The following DNAH11 variants were observed in gnomAD, a reference collection of about 807,000 sequenced individuals.
DNAH11 encodes the protein dynein axonemal heavy chain 11.
A neutral mutation model predicts 526.0 loss-of-function variants in DNAH11; 442 were observed. The ratio of observed to expected loss-of-function variants is 0.84; its 90% CI spans 0.78 to 0.91. DNAH11 has a LOEUF of 0.91. Among genes scored for constraint, DNAH11 ranks in the 40% least tolerant of loss-of-function variants. The pLI is 0.00. For synonymous variants in DNAH11, 2,461 were observed against 1,935.9 expected (o/e 1.27, Z -7.12); for missense variants, 6,989 against 5,448.7 (o/e 1.28, Z -8.90).
intron 21 of DNAH11, among the ~76,000 whole-genome samples, 182 bp from the exon 22 acceptor site, chr7:21,616,027 C>T (rs773978119): frequency 7.2e-5 from 11 of 152,150 alleles, no homozygotes; most frequent in Non-Finnish European, 1.2e-4. Flanking sequence ...TTTAGCTTGA[C>T]GTGTTCTGAC....
intron 65 of DNAH11, among the ~76,000 whole-genome samples, chr7:21,824,362 T>C (rs1244906810): frequency 2.0e-5 from 3 of 152,306 alleles, no homozygotes; most frequent in African/African-American, 7.2e-5. Context: ...TGTTCACATA[T>C]TGGAATGATG....
At chr7:21,849,265 C>G (rs914169101) in intron 66 of DNAH11, among the ~76,000 whole-genome samples, 11 of 152,234 alleles carry the variant, frequency 7.2e-5, no homozygotes, top group African/African-American at 2.4e-4. Context: ...TTTCCTCCCT[C>G]TCATCCTTTA....
At chr7:21,615,530 T>G (rs1016685523) in intron 21 of DNAH11, among the ~76,000 whole-genome samples, 1 of 151,694 alleles carries the variant, frequency 6.6e-6, no homozygotes, top group African/African-American at 2.4e-5. Context: ...TTGGGGAGAT[T>G]GTAAAGAATA....
chr7:21,771,213 C>G (rs559566831), intron 55 of DNAH11, among the ~76,000 whole-genome samples: 5 of 152,306 alleles, frequency 3.3e-5, no homozygotes, highest in African/African-American at 1.2e-4. Flanking sequence ...CTCCCTCCCT[C>G]CCTTGAATAC....
chr7:21,571,998 A>T, intron 8 of DNAH11, 25 bp downstream of exon 8: 1 of 1,472,572 alleles, frequency 6.8e-7, no homozygotes, highest in South Asian at 1.6e-5. Flanking sequence ...TTGCATTTTC[A>T]TTGCATGGGA....
intron 61 of DNAH11, among the ~76,000 whole-genome samples, chr7:21,799,646 C>T (rs1453229934): frequency 6.6e-6 from 1 of 152,162 alleles, no homozygotes; most frequent in Admixed American, 6.5e-5. Context: ...ATATTTCAAT[C>T]TTATTTCTAA....
chr7:21,602,557 TTGTGTGTGTGTGTGTGTG>T lies in DNAH11; in HGVS notation c.3648+965_3648+982del, dbSNP rs60703018. 2.7e-3 allele frequency among the ~76,000 whole-genome samples: 400 copies of T among 149,046 alleles called. 2 individuals carry two copies. The highest frequency in any genetic ancestry group is 3.4e-3 in the Non-Finnish European group (228 of 67,290). ...TATGCCAATATTGATATTTTATAGA[TTGTGTGTGTGTGTGTGTG>T]TGTGTGTGTGTGTGTGTGTGTGTGT... On this transcript the variant is annotated intron_variant, in intron 18 of 81. Coordinates refer to ENST00000409508, the MANE Select transcript of DNAH11 (RefSeq NM_001277115.2).
chr7:21,743,214 G>A, intron 49 of DNAH11, among the ~76,000 whole-genome samples: 1 of 152,226 alleles, frequency 6.6e-6, no homozygotes. Context: ...GTGAGTGAGT[G>A]CTTACTGTTT....
At chr7:21,646,447 T>C (rs1198631917) in intron 28 of DNAH11, among the ~76,000 whole-genome samples, 1 of 151,734 alleles carries the variant, frequency 6.6e-6, no homozygotes, top group Non-Finnish European at 1.5e-5. Flanking sequence ...CCTGAGAGAG[T>C]TTCCAGGCCA....
rs1412303585 is a variant in DNAH11, at chr7:21,877,232, C to CT, written c.12196-3462dup. On this transcript the variant is annotated intron_variant, in intron 74 of 81. Transcript: ENST00000409508. ...TCAAATCTAATTAAACCTTTTTTTT[C>CT]TTTTTTTTGCTCTGTCACCCAGGCT... Among the ~76,000 whole-genome samples, 7 of 151,464 alleles carry CT rather than the reference C, an allele frequency of 4.6e-5. No individual in the cohort carries two copies. The South Asian group carries it at 8.4e-4, about 18-fold the overall frequency.
At chr7:21,686,779 T>G (rs930559876) in intron 32 of DNAH11, among the ~76,000 whole-genome samples, 1 of 152,166 alleles carries the variant, frequency 6.6e-6, no homozygotes, top group Non-Finnish European at 1.5e-5. Flanking sequence ...CATATTAATA[T>G]CTTTACCTAG....
rs367633070 is a variant in DNAH11, at chr7:21,571,820, C to T, written c.1440C>T (p.Thr480=). The change falls in exon 8 of 82, where the codon ACC becomes ACT. Residue 480 remains threonine, a synonymous_variant. Transcript: ENST00000409508. ...RLIKIEDIFA[T]TLEFEKLERL... ...TTTTTACAAAGGATATATTTGCCAC[C>T]ACTTTGGAATTTGAAAAGCTGGAAA... 2.5e-6 allele frequency: 4 copies of T among 1,611,430 alleles called. No homozygotes were observed. Among genetic ancestry groups the T allele is most frequent in the East Asian group, 2.2e-5 (1 of 44,808 alleles).
At chr7:21,770,267 C>G (rs1284002949) in intron 55 of DNAH11, among the ~76,000 whole-genome samples, 2 of 152,076 alleles carry the variant, frequency 1.3e-5, no homozygotes, top group African/African-American at 4.8e-5. Flanking sequence ...GGATGGGACC[C>G]AAATCTAAAC....
intron 28 of DNAH11, among the ~76,000 whole-genome samples, chr7:21,654,274 C>T (rs758355618): frequency 5.9e-5 from 9 of 152,146 alleles, no homozygotes; most frequent in Admixed American, 1.3e-4. Flanking sequence ...CGCCAATCTG[C>T]TGTCTGTATC....
At chr7:21,703,056 C>T (rs1248169606) in intron 37 of DNAH11, among the ~76,000 whole-genome samples, 1 of 152,214 alleles carries the variant, frequency 6.6e-6, no homozygotes, top group African/African-American at 2.4e-5. Flanking sequence ...AGTATTTTGA[C>T]AGTCATAATC....
chr7:21,753,284 C>A (rs970902238), intron 54 of DNAH11, among the ~76,000 whole-genome samples: 7 of 152,186 alleles, frequency 4.6e-5, no homozygotes, highest in Non-Finnish European at 1.0e-4. Flanking sequence ...GCTCCTCCCC[C>A]AAACCCTAAG....
chr7:21,859,004 C>G (rs1351195125), intron 68 of DNAH11, among the ~76,000 whole-genome samples: 3 of 152,184 alleles, frequency 2.0e-5, no homozygotes, highest in Non-Finnish European at 4.4e-5. Flanking sequence ...GTGGAAAATT[C>G]TACACCTGAC....
At chr7:21,714,749 AT>A (rs1407146211) in intron 42 of DNAH11, among the ~76,000 whole-genome samples, 1 of 151,524 alleles carries the variant, frequency 6.6e-6, no homozygotes, top group Non-Finnish European at 1.5e-5. Context: ...ATTTTACCTC[AT>A]TTACTTTCTC....
At chr7:21,730,393 G>T (rs1177594774) in intron 45 of DNAH11, among the ~76,000 whole-genome samples, 1 of 152,214 alleles carries the variant, frequency 6.6e-6, no homozygotes, top group Non-Finnish European at 1.5e-5. Flanking sequence ...TTGCATTTCA[G>T]ATTAGGAATG....
Sources: allele counts gnomAD v4.1 joint callset (sites outside exome capture counted in the v4.1 genomes callset), GRCh38; gene constraint gnomAD v4.1.1; transcripts MANE v1.5; gene names NCBI Gene and HGNC (gene_info 2026-07-23, HGNC 2026-07-21).